M1AP: variants seen among roughly 807,000 people sequenced by gnomAD.
The protein encoded by M1AP is meiosis 1 arrest protein.
Under a neutral mutation model 51.2 loss-of-function variants are expected in M1AP, and 39 were observed. The ratio of observed to expected loss-of-function variants is 0.76; its 90% CI spans 0.59 to 1.00. M1AP has a LOEUF of 1.00. M1AP is among the 50% of genes least tolerant of loss of function. The pLI is 0.00. For synonymous variants in M1AP, 251 were observed against 249.2 expected (o/e 1.01, Z -0.07); for missense variants, 545 against 641.2 (o/e 0.85, Z 1.62).
chr2:74,579,184 A>G (rs1679257828), intron 5 of M1AP, among the ~76,000 whole-genome samples: 2 of 152,230 alleles, frequency 1.3e-5, no homozygotes, highest in Admixed American at 1.3e-4. Context: ...AAGCTTTGGA[A>G]AGACAGAGGG....
At chr2:74,626,256 A>ATTTTTT (rs1485849068) in intron 2 of M1AP, among the ~76,000 whole-genome samples, 6 of 136,500 alleles carry the variant, frequency 4.4e-5, no homozygotes, top group African/African-American at 1.5e-4. Flanking sequence ...GCTATATTTC[A>ATTTTTT]GTTTTTTTTT....
At chr2:74,640,705 C>T (rs1206954353) in intron 1 of M1AP, among the ~76,000 whole-genome samples, 1 of 152,070 alleles carries the variant, frequency 6.6e-6, no homozygotes, top group Non-Finnish European at 1.5e-5. Context: ...ATCCGCCCGC[C>T]TTGGCCTCCC....
intron 1 of M1AP, chr2:74,647,897 A>G (rs1308562436): frequency 1.9e-6 from 1 of 538,008 alleles, no homozygotes; most frequent in Non-Finnish European, 2.4e-6. Context: ...TCCGTCTCAA[A>G]AACAAAGCAA....
At chr2:74,618,369 A>C (rs1327274789) in intron 2 of M1AP, among the ~76,000 whole-genome samples, 2 of 152,178 alleles carry the variant, frequency 1.3e-5, no homozygotes, top group African/African-American at 4.8e-5. Context: ...ACCAATTTAA[A>C]CTGAAAATAC....
chr2:74,619,963 G>C (rs1436804571), intron 2 of M1AP, among the ~76,000 whole-genome samples: 1 of 152,166 alleles, frequency 6.6e-6, no homozygotes, highest in African/African-American at 2.4e-5. Context: ...AACTCCCCCA[G>C]ATACATCCTT....
chr2:74,616,039 G>C (rs1449308053), intron 2 of M1AP, among the ~76,000 whole-genome samples: 7 of 152,156 alleles, frequency 4.6e-5, no homozygotes, highest in African/African-American at 1.4e-4. Context: ...CCTGGGCTTA[G>C]CTCCACAGTT....
At chr2:74,603,890 C>G (rs980291156) in intron 4 of M1AP, among the ~76,000 whole-genome samples, 1 of 152,084 alleles carries the variant, frequency 6.6e-6, no homozygotes, top group Non-Finnish European at 1.5e-5. Flanking sequence ...CATCTGCACG[C>G]GACCAGAAAG....
At chr2:74,633,985 A>T (rs1375547292) in intron 2 of M1AP, among the ~76,000 whole-genome samples, 3 of 152,180 alleles carry the variant, frequency 2.0e-5, no homozygotes, top group Admixed American at 1.3e-4. Flanking sequence ...TTACATAAAT[A>T]CTCAATTAAA....
intron 2 of M1AP, among the ~76,000 whole-genome samples, chr2:74,632,814 A>G (rs1682777608): frequency 6.6e-6 from 1 of 152,114 alleles, no homozygotes; most frequent in South Asian, 2.1e-4. Flanking sequence ...AGTGGTTTCT[A>G]GTGTAAAGCT....
intron 8 of M1AP, among the ~76,000 whole-genome samples, chr2:74,561,309 CTCTGCA>C (rs1269825392): frequency 6.6e-6 from 1 of 151,048 alleles, no homozygotes; most frequent in African/African-American, 2.4e-5. Flanking sequence ...TTGTTTGCTC[CTCTGCA>C]TCTGCATCTA....
At chr2:74,595,564 C>T (rs1223154854) in intron 4 of M1AP, among the ~76,000 whole-genome samples, 1 of 152,120 alleles carries the variant, frequency 6.6e-6, no homozygotes, top group African/African-American at 2.4e-5. Context: ...GTTGCCCAGG[C>T]TGCTCTTGAA....
At position 74,559,670 on chromosome 2, in the gene M1AP, C is replaced by T. The variant is rs781735382; in HGVS notation, c.1434+28G>A. On this transcript the variant is annotated intron_variant, in intron 10 of 10. Transcript: ENST00000421985. ...TTACTAATCTTGGTCAGCCTCCTTT[C>T]CTCATCTGTAAATGAGCAAACACTT... 6 of 718,462 alleles carry T rather than the reference C, an allele frequency of 8.4e-6. 1 individual carries two copies. In the South Asian group the frequency reaches 8.9e-5, roughly 11 times the overall value. 44.5% of individuals were successfully genotyped at this position (718,462 alleles called of 1,614,324 possible).
intron 2 of M1AP, among the ~76,000 whole-genome samples, chr2:74,635,753 G>A (rs540323539): frequency 6.6e-5 from 10 of 152,170 alleles, no homozygotes; most frequent in Non-Finnish European, 1.0e-4. Flanking sequence ...ATTTAGAAGT[G>A]TGTTGTTTAG....
Position 74,631,936 on chromosome 2 carries a change from C to T in M1AP, c.240+8100G>A, listed in dbSNP as rs117748126. Among the ~76,000 whole-genome samples the T allele has an allele frequency of 2.1e-3, 324 of 152,270 alleles. 9 individuals are homozygous for T. In the East Asian group the frequency reaches 0.056, roughly 26 times the overall value. ...CCATTTATATTTTAAGCTGCTTCTG[C>T]AGATGGAAAATGTCAAATATTTATA... On this transcript the variant is annotated intron_variant, in intron 2 of 10. Transcript: ENST00000421985.
At position 74,640,102 on chromosome 2, in the gene M1AP, G is replaced by A. The variant is rs144612148; in HGVS notation, c.174C>T (p.Pro58=). 80 of 1,614,038 alleles carry A rather than the reference G, an allele frequency of 5.0e-5. No homozygotes were observed. In the Middle Eastern group the frequency reaches 8.2e-4, roughly 17 times the overall value. The change falls in exon 2 of 11, where the codon CCC becomes CCT. Residue 58 remains proline (P), a synonymous_variant. Transcript: ENST00000421985. ...FFSLACSLMG[P]SRMSLFSLYM... ...ATAAACTGAACAGGGACATGCGGCT[G>A]GGGCCCATCAAGCTGCAGGCTAGAG... is the stretch of plus-strand genomic sequence containing the variant.
At chr2:74,642,002 T>C (rs1314073257) in intron 1 of M1AP, among the ~76,000 whole-genome samples, 1 of 152,000 alleles carries the variant, frequency 6.6e-6, no homozygotes, top group Non-Finnish European at 1.5e-5. Flanking sequence ...TGTGCCACCA[T>C]GCCTGGCTAG....
intron 1 of M1AP, chr2:74,647,284 A>ATCGGCT: frequency 4.1e-6 from 4 of 985,272 alleles, no homozygotes; most frequent in Non-Finnish European, 4.8e-6. Context: ...CCTCTCACAG[A>ATCGGCT]TCGGCTTCTC....
Position 74,612,920 on chromosome 2 carries a change from G to T in M1AP, c.426+2044C>A, listed in dbSNP as rs189723334. Among the ~76,000 whole-genome samples, 431 of 151,568 alleles carry T rather than the reference G, an allele frequency of 2.8e-3. 2 individuals are homozygous for T. Among genetic ancestry groups the T allele is most frequent in the African/African-American group, 9.9e-3 (408 of 41,348 alleles). On this transcript the variant is annotated intron_variant, in intron 3 of 10. Transcript: ENST00000421985. Reference sequence around the variant, plus strand: ...CTGGTATTCCCGTTACATGTAAGTCGTACCTTTTATAGTTGTCCCACAGTT... The same window carrying T: ...CTGGTATTCCCGTTACATGTAAGTCTTACCTTTTATAGTTGTCCCACAGTT...
intron 4 of M1AP, among the ~76,000 whole-genome samples, chr2:74,582,297 G>C (rs1679455567): frequency 6.6e-6 from 1 of 152,174 alleles, no homozygotes; most frequent in Non-Finnish European, 1.5e-5. Flanking sequence ...CTAGCCTAGA[G>C]ACATTCTTGA....
Sources: allele counts gnomAD v4.1 joint callset (sites outside exome capture counted in the v4.1 genomes callset), GRCh38; gene constraint gnomAD v4.1.1; transcripts MANE v1.5; gene names NCBI Gene and HGNC (gene_info 2026-07-23, HGNC 2026-07-21).